Variants in ALG6 observed in about 807,000 individuals in gnomAD.
ALG6 encodes the protein dolichyl pyrophosphate Man9GlcNAc2 alpha-1,3-glucosyltransferase.
Under a neutral mutation model 66.6 loss-of-function variants are expected in ALG6, and 46 were observed. The observed-to-expected ratio is 0.69, with a 90% CI of 0.55 to 0.88. The LOEUF is 0.88. Ranked by LOEUF, ALG6 falls within the 40% of genes least tolerant of loss-of-function variation. The probability of loss-of-function intolerance (pLI) is 0.00; values close to 1 mark genes in which losing one functional copy is unlikely to be tolerated. For missense variants in ALG6, 505 were observed against 586.8 expected, an observed-to-expected ratio of 0.86 and a Z score of 1.44; for synonymous variants, 185 against 203.7, an observed-to-expected ratio of 0.91 and a Z score of 0.78.
rs1275156902 is a variant in ALG6 at position 63,403,809 on chromosome 1, T to C, written c.258-644T>C. On this transcript the variant is annotated intron_variant, in intron 4 of 14. Coordinates refer to ENST00000263440, the MANE Select transcript of ALG6 (RefSeq NM_013339.4). Reference sequence around the variant, plus strand: ...TTGTATATTTAAACATATCAACACATAGCTAGCGTAAAAATATGGTAGTAC... The same window carrying C: ...TTGTATATTTAAACATATCAACACACAGCTAGCGTAAAAATATGGTAGTAC... Among the ~76,000 whole-genome samples the C allele has an allele frequency of 2.0e-5, 3 of 152,146 alleles. No individual in the cohort carries two copies. In the East Asian group the frequency reaches 5.8e-4, roughly 29 times the overall value.
chr1:63,383,272 C>T (rs1648388425), intron 2 of ALG6, among the ~76,000 whole-genome samples: 1 of 151,978 alleles, frequency 6.6e-6, no homozygotes, highest in Non-Finnish European at 1.5e-5. Flanking sequence ...CAGGTGCTCA[C>T]CACCATGCCT....
At chr1:63,386,509 C>G (rs1238377688) in intron 2 of ALG6, among the ~76,000 whole-genome samples, 1 of 151,966 alleles carries the variant, frequency 6.6e-6, no homozygotes, top group Non-Finnish European at 1.5e-5. Context: ...TTGATCTGTT[C>G]AGGTTTTGGA....
chr1:63,397,351 A>G (rs1648857808), intron 3 of ALG6, among the ~76,000 whole-genome samples: 1 of 151,872 alleles, frequency 6.6e-6, no homozygotes, highest in Non-Finnish European at 1.5e-5. Context: ...ATGCCCGGCT[A>G]ATTTTTGTAG....
chr1:63,425,006 C>G (rs991144001), intron 12 of ALG6, among the ~76,000 whole-genome samples: 11 of 152,036 alleles, frequency 7.2e-5, no homozygotes, highest in African/African-American at 2.2e-4. Context: ...TCTCGAACTC[C>G]TGACCTCAAG....
intron 2 of ALG6, among the ~76,000 whole-genome samples, chr1:63,378,436 G>C (rs1421995913): frequency 6.6e-6 from 1 of 152,098 alleles, no homozygotes; most frequent in Admixed American, 6.5e-5. Flanking sequence ...AGGATTTTCT[G>C]TGATTTCTGT....
intron 5 of ALG6, among the ~76,000 whole-genome samples, chr1:63,405,874 CA>C (rs1399209676): frequency 4.0e-5 from 6 of 151,748 alleles, no homozygotes; most frequent in Middle Eastern, 3.4e-3. Flanking sequence ...CTGGGTTTCT[CA>C]AGCTCTTTAT....
At chr1:63,410,913 G>A (rs552612177) in intron 7 of ALG6, among the ~76,000 whole-genome samples, 1 of 152,174 alleles carries the variant, frequency 6.6e-6, no homozygotes, top group East Asian at 1.9e-4. Context: ...TTGCTGCTTA[G>A]CAGTAGATTT....
In ALG6 at chr1:63,396,605, A is replaced by G. The variant is rs902593542; in HGVS notation, c.167+8A>G. 1.9e-6 allele frequency: 3 copies of G among 1,606,590 alleles called. No homozygotes were observed. The South Asian group carries it at 3.3e-5, about 18-fold the overall frequency. On this transcript the variant is annotated splice_region_variant and intron_variant, in intron 3 of 14. Transcript: ENST00000263440. Reference sequence around the variant, plus strand: ...TTTACCGGTCAAACAATGGTATGATAATTTTAACTTGTTTTTCTTGTTTAT... The same window carrying G: ...TTTACCGGTCAAACAATGGTATGATGATTTTAACTTGTTTTTCTTGTTTAT...
At chr1:63,376,076 C>T (rs568353506) in intron 2 of ALG6, among the ~76,000 whole-genome samples, 17 of 151,764 alleles carry the variant, frequency 1.1e-4, no homozygotes, top group African/African-American at 3.6e-4. Context: ...CTGAGAAATG[C>T]GTCAATTGGC....
At chr1:63,388,396 A>G (rs1648569999) in intron 2 of ALG6, among the ~76,000 whole-genome samples, 1 of 152,350 alleles carries the variant, frequency 6.6e-6, no homozygotes, top group South Asian at 2.1e-4. Flanking sequence ...ATAACATCTT[A>G]TAACTCATTA....
At chr1:63,432,803 G>C (rs1218601238) in intron 14 of ALG6, among the ~76,000 whole-genome samples, 1 of 152,226 alleles carries the variant, frequency 6.6e-6, no homozygotes, top group East Asian at 1.9e-4. Context: ...ATCTCACTCT[G>C]TTGCCTAGGC....
chr1:63,370,762 T>A lies in ALG6; in HGVS notation c.-207-9T>A. On this transcript the variant is annotated splice_polypyrimidine_tract_variant and intron_variant, in intron 1 of 14. Transcript: ENST00000263440. Reference sequence around the variant, plus strand: ...AGCTGAATCTTGATATCTTTTTTTTTCCCCTTAGGATACTTCTACATAGAC... The same window carrying A: ...AGCTGAATCTTGATATCTTTTTTTTACCCCTTAGGATACTTCTACATAGAC... 1 of 569,836 alleles carries A rather than the reference T, an allele frequency of 1.8e-6. No homozygotes were observed. The highest frequency in any genetic ancestry group is 3.0e-5 in the Admixed American group (1 of 32,994). The allele number at this position is 569,836 out of a possible 1,614,324, so 35.3% of individuals were successfully genotyped here.
intron 3 of ALG6, among the ~76,000 whole-genome samples, chr1:63,397,929 C>G (rs1450064612): frequency 6.6e-6 from 1 of 152,166 alleles, no homozygotes; most frequent in Non-Finnish European, 1.5e-5. Context: ...GCACTTAGGC[C>G]AGTCCCTAGC....
At chr1:63,382,650 TG>T (rs1383930327) in intron 2 of ALG6, among the ~76,000 whole-genome samples, 1,887 of 24,340 alleles carry the variant, frequency 0.078, 57 homozygotes, top group African/African-American at 0.33. Context: ...AGTTTTTTTT[TG>T]TTTGTTTTTT....
chr1:63,372,330 T>C (rs2100379674), intron 2 of ALG6, among the ~76,000 whole-genome samples: 2 of 152,122 alleles, frequency 1.3e-5, no homozygotes, highest in Middle Eastern at 6.8e-3. Flanking sequence ...GACAATAATA[T>C]TAATAGTTGT....
rs867423312 is a variant in ALG6 at position 63,375,084 on chromosome 1, C to G, written c.82+4025C>G. The stretch of plus-strand genomic sequence containing the variant: ...GGCATGATGGCACATGCCTGTAGTC[C>G]TAGCTACTCGGGCCTCTGAGGTGGG... On this transcript the variant is annotated intron_variant, in intron 2 of 14. Transcript: ENST00000263440. Among the ~76,000 whole-genome samples, 5 of 152,016 alleles carry G rather than the reference C, an allele frequency of 3.3e-5. No homozygotes were observed. In the South Asian group the frequency reaches 1.0e-3, roughly 31 times the overall value.
At chr1:63,419,750 A>G (rs1644564046) in intron 12 of ALG6, among the ~76,000 whole-genome samples, 1 of 152,148 alleles carries the variant, frequency 6.6e-6, no homozygotes, top group African/African-American at 2.4e-5. Flanking sequence ...CCTGTTTGTC[A>G]TCTTTGCTTT....
intron 14 of ALG6, among the ~76,000 whole-genome samples, chr1:63,432,506 A>G (rs1344549778): frequency 2.6e-5 from 4 of 152,198 alleles, no homozygotes; most frequent in Admixed American, 2.6e-4. Context: ...AAGGCATATC[A>G]CATTACATTC....
intron 12 of ALG6, among the ~76,000 whole-genome samples, chr1:63,426,143 G>T (rs953916118): frequency 6.6e-6 from 1 of 152,186 alleles, no homozygotes; most frequent in African/African-American, 2.4e-5. Context: ...TTGGGTAATG[G>T]AGGAAGCGGC....
Sources: gnomAD v4.1 joint callset for allele counts (sites outside exome capture counted in the v4.1 genomes callset) on GRCh38, gnomAD v4.1.1 for gene constraint, MANE v1.5 for transcripts, NCBI Gene and HGNC (gene_info 2026-07-23, HGNC 2026-07-21) for gene names.